ACAN: variants seen among roughly 807,000 people sequenced by gnomAD.
ACAN encodes the protein aggrecan core protein.
ACAN carries 47 observed loss-of-function variants against 169.1 expected under a neutral mutation model. The ratio of observed to expected loss-of-function variants is 0.28; its 90% CI spans 0.22 to 0.35. The LOEUF (loss-of-function observed/expected upper bound fraction) is 0.35. ACAN is among the 10% of genes least tolerant of loss of function. The probability of loss-of-function intolerance (pLI) is 1.00; values close to 1 mark genes in which losing one functional copy is unlikely to be tolerated. For synonymous variants in ACAN, 1,115 were observed against 1,112.2 expected (o/e 1.00, Z -0.05); for missense variants, 2,716 against 2,759.9 (o/e 0.98, Z 0.36).
intron 1 of ACAN, among the ~76,000 whole-genome samples, chr15:88,831,784 C>A (rs755601173): frequency 4.6e-5 from 7 of 152,188 alleles, no homozygotes; most frequent in Non-Finnish European, 7.3e-5. Context: ...TCACTAAGGT[C>A]TCTCACAGCT....
chr15:88,849,621 C>T lies in ACAN; in HGVS notation c.1916C>T (p.Pro639Leu). 1 of 1,612,400 alleles carries T rather than the reference C, an allele frequency of 6.2e-7. No homozygotes were observed. The highest frequency in any genetic ancestry group is 8.5e-7 in the Non-Finnish European group (1 of 1,179,462). Residue 639 changes from proline (P) to leucine (L), a missense_variant, in exon 10 of 19, where the codon CCA (proline) becomes CTA (leucine). Coordinates refer to ENST00000560601, the MANE Select transcript of ACAN (RefSeq NM_001369268.1). The surrounding 1 kb of genome is among the most constrained non-coding windows in gnomAD (Gnocchi z 5.1). Reference protein sequence around the residue: ...DGSLRYPIVTPRPACGGDKPG... With the variant: ...DGSLRYPIVTLRPACGGDKPG... ...AGCCTCCGCTACCCCATCGTCACCC[C>T]AAGGCCTGCCTGCGGTGGGGACAAG...
chr15:88,862,952 T>C (rs973675935), intron 13 of ACAN, among the ~76,000 whole-genome samples: 2 of 149,122 alleles, frequency 1.3e-5, no homozygotes, highest in African/African-American at 5.0e-5. Context: ...GAGCCGAGAT[T>C]GTTGCACTGC....
At position 88,860,691 on chromosome 15, in the gene ACAN, A is replaced by G. The variant is rs9630453; in HGVS notation, c.6946+252A>G. Among the ~76,000 whole-genome samples the G allele has an allele frequency of 0.24, 37,252 of 152,204 alleles. 8,937 individuals carry two copies. The highest frequency in any genetic ancestry group is 0.62 in the African/African-American group (25,899 of 41,478). Reference sequence around the variant, plus strand: ...GTATTTTTATATCAGGCTGATGACTATTGTAGGAGTAGAATGAAAAATGTG... The same window carrying G: ...GTATTTTTATATCAGGCTGATGACTGTTGTAGGAGTAGAATGAAAAATGTG... On this transcript the variant is annotated intron_variant, in intron 13 of 18. Transcript: ENST00000560601.
rs1897203101 is a variant in ACAN at position 88,861,975 on chromosome 15, C to T, written c.6946+1536C>T. 6.6e-6 allele frequency among the ~76,000 whole-genome samples: 1 copy of T among 152,334 alleles called. No homozygotes were observed. Among genetic ancestry groups the T allele is most frequent in the South Asian group, 2.1e-4 (1 of 4,824 alleles). The stretch of plus-strand genomic sequence containing the variant: ...CTGTAAGCAGCTTGGTAACTACCCC[C>T]ATTTGAGACTGGAACTCAGAGGAGT... On this transcript the variant is annotated intron_variant, in intron 13 of 18. Transcript: ENST00000560601. This position sits in a 1 kb window ranked among gnomAD's most constrained non-coding sequence, Gnocchi z 6.3.
In ACAN at chr15:88,859,274, C is replaced by A; in HGVS notation, c.6689C>A (p.Ala2230Glu). The A allele has an allele frequency of 1.2e-6, 2 of 1,613,878 alleles. No homozygotes were observed. The highest frequency in any genetic ancestry group is 1.7e-6 in the Non-Finnish European group (2 of 1,179,842). Residue 2230 changes from alanine (A) to glutamate (E), a missense_variant, in exon 12 of 19, where the codon GCA (alanine) becomes GAA (glutamate). Physicochemically the swap from Ala to Glu is moderately radical, Grantham distance 107. This residue lies in a region of ACAN where 1,389 missense variants were observed against 1,363.7 expected (regional missense o/e 1.02). Transcript: ENST00000560601. ...SEWTQQTQRP[A>E]ETHLEIESSS... ...TGGACCCAGCAGACCCAGCGCCCTG[C>A]AGAGACGCATCTAGAAATTGAGTCC...
chr15:88,858,975 T>C lies in ACAN; in HGVS notation c.6390T>C (p.Ser2130=). 6.2e-7 allele frequency: 1 copy of C among 1,613,702 alleles called. No individual in the cohort carries two copies. Among genetic ancestry groups the C allele is most frequent in the Middle Eastern group, 1.6e-4 (1 of 6,062 alleles). ...SREDSGSPDL[S]ETTSAFHEAN... is the part of the protein sequence containing the mutation. ...AAGATTCTGGGTCCCCTGATCTGAG[T>C]GAAACCACCTCTGCATTCCACGAAG... is the stretch of plus-strand genomic sequence containing the variant. Residue 2130 remains serine (S), a synonymous_variant, in exon 12 of 19, where the codon AGT becomes AGC. Coordinates refer to ENST00000560601, the MANE Select transcript of ACAN (RefSeq NM_001369268.1). The surrounding 1 kb of genome is among the most constrained non-coding windows in gnomAD (Gnocchi z 4.0).
In ACAN at chr15:88,874,073, A is replaced by T; in HGVS notation, c.7630+49A>T. On this transcript the variant is annotated intron_variant, in intron 18 of 18. Transcript: ENST00000560601. This position sits in a 1 kb window ranked among gnomAD's most constrained non-coding sequence, Gnocchi z 7.3. ...GCTGAGCACAGGGTTAGATTCTGCC[A>T]GCACAGCCTTCCCCCCGTCCCCTCT... is the stretch of plus-strand genomic sequence containing the variant. 6 of 1,597,394 alleles carry T rather than the reference A, an allele frequency of 3.8e-6. No individual in the cohort carries two copies. The highest frequency in any genetic ancestry group is 5.1e-6 in the Non-Finnish European group (6 of 1,177,326).
At chr15:88,836,327 G>C (rs1227446762) in intron 2 of ACAN, 51 bp downstream of exon 2, 5 of 1,494,782 alleles carry the variant, frequency 3.3e-6, no homozygotes, top group Non-Finnish European at 4.6e-6. Context: ...ATGAGTAGTG[G>C]GTTTGAGTAC....
chr15:88,867,393 C>T (rs1020406739), intron 13 of ACAN, among the ~76,000 whole-genome samples: 7 of 152,212 alleles, frequency 4.6e-5, no homozygotes, highest in Non-Finnish European at 8.8e-5. Flanking sequence ...CGACCACTTG[C>T]TAACCACCTC....
Position 88,838,759 on chromosome 15 carries a change from C to T in ACAN, c.167C>T (p.Pro56Leu). 1 of 1,613,936 alleles carries T rather than the reference C, an allele frequency of 6.2e-7. No homozygotes were observed. Among genetic ancestry groups the T allele is most frequent in the Non-Finnish European group, 8.5e-7 (1 of 1,179,862 alleles). The change falls in exon 3 of 19, where the codon CCC becomes CTC. Residue 56 changes from proline to leucine, a missense_variant. Pro to Leu is a moderately conservative substitution (Grantham distance 98). This residue lies in a region of ACAN where 1,283 missense variants were observed against 1,281.5 expected (regional missense o/e 1.00). Coordinates refer to ENST00000560601, the MANE Select transcript of ACAN (RefSeq NM_001369268.1). The surrounding 1 kb of genome is among the most constrained non-coding windows in gnomAD (Gnocchi z 5.1). Reference protein sequence around the residue: ...SLTIPCYFIDPMHPVTTAPST... With the variant: ...SLTIPCYFIDLMHPVTTAPST... ...ACCATCCCCTGCTATTTCATCGACC[C>T]CATGCACCCTGTGACCACCGCCCCT...
At chr15:88,816,237 TCAGG>T (rs1767943747) in intron 1 of ACAN, among the ~76,000 whole-genome samples, 1 of 152,240 alleles carries the variant, frequency 6.6e-6, no homozygotes, top group Non-Finnish European at 1.5e-5. Flanking sequence ...CAATGGGGGT[TCAGG>T]CTTAGACATA....
chr15:88,824,520 G>A (rs766946933), intron 1 of ACAN, among the ~76,000 whole-genome samples: 11 of 152,008 alleles, frequency 7.2e-5, no homozygotes, highest in African/African-American at 9.7e-5. Flanking sequence ...GCCCTCATGG[G>A]GTGTATATTC....
intron 11 of ACAN, among the ~76,000 whole-genome samples, chr15:88,852,814 G>T (rs1182170916): frequency 1.3e-5 from 2 of 152,206 alleles, no homozygotes; most frequent in Admixed American, 6.5e-5. Context: ...GGGAAAGCTT[G>T]ATTTAAAACA....
chr15:88,824,144 G>A (rs906365404), intron 1 of ACAN, among the ~76,000 whole-genome samples: 1 of 152,048 alleles, frequency 6.6e-6, no homozygotes, highest in African/African-American at 2.4e-5. Flanking sequence ...CTAACACAGT[G>A]AAACCCCGTC....
chr15:88,837,237 C>T (rs1037787167), intron 2 of ACAN, among the ~76,000 whole-genome samples: 3 of 152,178 alleles, frequency 2.0e-5, no homozygotes, highest in Non-Finnish European at 2.9e-5. Context: ...GCACATGAGA[C>T]CCCCTCACAG....
Position 88,855,539 on chromosome 15 carries a change from C to G in ACAN, c.2954C>G (p.Thr985Ser). 6.2e-7 allele frequency: 1 copy of G among 1,613,100 alleles called. No individual in the cohort carries two copies. Among genetic ancestry groups the G allele is most frequent in the Non-Finnish European group, 8.5e-7 (1 of 1,179,790 alleles). The part of the protein sequence containing the change: ...GLPSGEVLET[T>S]APGVEDISGL... ...CCTTCTGGAGAAGTTCTAGAGACCA[C>G]TGCCCCTGGAGTAGAGGACATCAGC... Residue 985 changes from threonine to serine, a missense_variant, in exon 12 of 19, where the codon ACT (threonine) becomes AGT (serine). Thr to Ser is a moderately conservative substitution (Grantham distance 58, BLOSUM62 1). Coordinates refer to ENST00000560601, the MANE Select transcript of ACAN (RefSeq NM_001369268.1).
At chr15:88,835,149 A>G (rs1896470078) in intron 1 of ACAN, among the ~76,000 whole-genome samples, 1 of 152,106 alleles carries the variant, frequency 6.6e-6, no homozygotes, top group Non-Finnish European at 1.5e-5. Flanking sequence ...CCTCCTCAAG[A>G]GCTCTCTAGG....
intron 11 of ACAN, among the ~76,000 whole-genome samples, chr15:88,853,225 G>A (rs777870697): frequency 5.9e-5 from 9 of 152,276 alleles, no homozygotes; most frequent in South Asian, 4.1e-4. Flanking sequence ...CAGCAGCCCC[G>A]TAGAAATGTT....
rs202166561 is a variant in ACAN at position 88,836,217 on chromosome 15, T to C, written c.11T>C (p.Leu4Ser). The C allele has an allele frequency of 5.1e-5, 83 of 1,613,744 alleles. No homozygotes were observed. Among genetic ancestry groups the C allele is most frequent in the Non-Finnish European group, 6.4e-5 (76 of 1,179,822 alleles). Reference sequence around the variant, plus strand: ...TCTTCCAGGTGAACTATGACCACTTTACTCTGGGTTTTCGTGACTCTGAGG... The same window carrying C: ...TCTTCCAGGTGAACTATGACCACTTCACTCTGGGTTTTCGTGACTCTGAGG... The part of the protein sequence containing the change: MTT[L>S]LWVFVTLRVI... The change falls in exon 2 of 19, where the codon TTA becomes TCA. Residue 4 changes from leucine to serine, a missense_variant. By Grantham distance (145) the Leu-to-Ser change is moderately radical (BLOSUM62 -2). This residue lies in a region of ACAN where 1,283 missense variants were observed against 1,281.5 expected (regional missense o/e 1.00). Transcript: ENST00000560601.
Sources: gnomAD v4.1 joint callset for allele counts (sites outside exome capture counted in the v4.1 genomes callset) on GRCh38, gnomAD v4.1.1 for gene constraint, gnomAD v4.1.1 regional missense constraint, Gnocchi (gnomAD v3.1) non-coding constraint, MANE v1.5 for transcripts, NCBI Gene and HGNC (gene_info 2026-07-23, HGNC 2026-07-21) for gene names.